DLG2: variants seen among roughly 807,000 people sequenced by gnomAD.
DLG2 encodes disks large homolog 2.
DLG2 carries 45 observed loss-of-function variants against 132.5 expected under a neutral mutation model. That is an observed-to-expected ratio of 0.34 (90% CI 0.27 to 0.44). The LOEUF (loss-of-function observed/expected upper bound fraction) is 0.44, where lower values mean the gene tolerates loss of function less well. Among genes scored for constraint, DLG2 ranks in the 20% least tolerant of loss-of-function variants. The pLI, the probability that DLG2 is intolerant of heterozygous loss-of-function variation, is 1.00. For synonymous variants in DLG2, 424 were observed against 419.6 expected, an observed-to-expected ratio of 1.01 and a Z score of -0.13; for missense variants, 1,045 against 1,196.9, an observed-to-expected ratio of 0.87 and a Z score of 1.87.
At chr11:84,020,617 A>G (rs1423702572) in intron 11 of DLG2, among the ~76,000 whole-genome samples, 3 of 152,196 alleles carry the variant, frequency 2.0e-5, no homozygotes, top group Non-Finnish European at 1.5e-5. Flanking sequence ...TTTTATTTTT[A>G]ATGTTTTGAA....
At chr11:83,793,438 A>T (rs754777073) in intron 17 of DLG2, among the ~76,000 whole-genome samples, 8 of 152,202 alleles carry the variant, frequency 5.3e-5, no homozygotes, top group Non-Finnish European at 1.2e-4. Context: ...ATCAATTGGA[A>T]TATACTTTAA....
intron 6 of DLG2, among the ~76,000 whole-genome samples, chr11:84,567,612 T>C (rs192266619): frequency 4.6e-5 from 7 of 152,342 alleles, no homozygotes; most frequent in Admixed American, 3.9e-4. Context: ...TGTATGCATA[T>C]CTGCCATACT....
intron 4 of DLG2, among the ~76,000 whole-genome samples, chr11:85,205,325 TA>T (rs954750749): frequency 2.0e-5 from 3 of 151,140 alleles, no homozygotes; most frequent in African/African-American, 4.9e-5. Flanking sequence ...ATTTGGGAGC[TA>T]AAAAAAAGTG....
chr11:85,383,952 AC>A (rs1176992962), intron 3 of DLG2, among the ~76,000 whole-genome samples: 1 of 152,178 alleles, frequency 6.6e-6, no homozygotes, highest in Admixed American at 6.5e-5. Context: ...TCTGAACTAT[AC>A]CTACTCGTCA....
intron 4 of DLG2, among the ~76,000 whole-genome samples, chr11:85,241,622 CAAAGAATCAGATTGTT>C (rs1466732439): frequency 6.6e-6 from 1 of 151,898 alleles, no homozygotes; most frequent in African/African-American, 2.4e-5. Context: ...TGTTCTAACA[CAAAGAATCAGATTGTT>C]AAATCAGAGT....
intron 7 of DLG2, among the ~76,000 whole-genome samples, chr11:84,415,491 A>G (rs994985633): frequency 2.6e-5 from 4 of 152,222 alleles, no homozygotes; most frequent in African/African-American, 9.6e-5. Context: ...AGTATGCCTC[A>G]GTAAAGCATT....
At chr11:83,500,860 A>C (rs1272984387) in intron 21 of DLG2, among the ~76,000 whole-genome samples, 1 of 152,086 alleles carries the variant, frequency 6.6e-6, no homozygotes, top group African/African-American at 2.4e-5. Flanking sequence ...TTCTTTGCCA[A>C]TTTGTGCATC....
chr11:85,320,551 T>C (rs747257917), intron 3 of DLG2, among the ~76,000 whole-genome samples: 3 of 151,842 alleles, frequency 2.0e-5, no homozygotes, highest in Non-Finnish European at 4.4e-5. Flanking sequence ...TAAAATTATA[T>C]ACACAAAATA....
At chr11:83,497,722 T>C (rs2094224584) in intron 21 of DLG2, among the ~76,000 whole-genome samples, 1 of 152,150 alleles carries the variant, frequency 6.6e-6, no homozygotes, top group Non-Finnish European at 1.5e-5. Flanking sequence ...GGCTTAGCTA[T>C]TTGCTTGTAT....
At chr11:85,623,059 CAAA>C (rs34802509) in intron 2 of DLG2, among the ~76,000 whole-genome samples, 3 of 116,158 alleles carry the variant, frequency 2.6e-5, no homozygotes, top group Admixed American at 8.8e-5. Context: ...CTCTGTCTCC[CAAA>C]AAAAAAAAAA....
At chr11:84,793,215 T>C (rs1233746646) in intron 6 of DLG2, among the ~76,000 whole-genome samples, 4 of 152,210 alleles carry the variant, frequency 2.6e-5, no homozygotes, top group African/African-American at 9.6e-5. Context: ...TGTGTTGTAA[T>C]GTTTCAAAAT....
At chr11:84,396,109 T>C (rs2098810085) in intron 7 of DLG2, among the ~76,000 whole-genome samples, 2 of 152,216 alleles carry the variant, frequency 1.3e-5, no homozygotes, top group African/African-American at 2.4e-5. Context: ...CATTCTACTA[T>C]GTGATGTTAG....
chr11:83,885,496 A>G (rs1257274996), intron 15 of DLG2, among the ~76,000 whole-genome samples: 1 of 152,368 alleles, frequency 6.6e-6, no homozygotes, highest in South Asian at 2.1e-4. Context: ...AGTGACGAGG[A>G]GAATGGAATC....
chr11:85,620,584 G>A (rs76710400), intron 2 of DLG2, among the ~76,000 whole-genome samples: 5,549 of 152,304 alleles, frequency 0.036, 155 homozygotes, highest in Admixed American at 0.053. Context: ...GTGAACACAC[G>A]AATAATAAGA....
chr11:84,192,996 T>A (rs567898230), intron 8 of DLG2, among the ~76,000 whole-genome samples: 2 of 152,208 alleles, frequency 1.3e-5, no homozygotes, highest in African/African-American at 2.4e-5. Context: ...TTAAAAAAAA[T>A]TAGTGAATTT....
At position 84,738,425 on chromosome 11, in the gene DLG2, A is replaced by T. The variant is rs534886457; in HGVS notation, c.358-203694T>A. Among the ~76,000 whole-genome samples, 7 of 152,280 alleles carry T rather than the reference A, an allele frequency of 4.6e-5. 1 individual carries two copies. Among genetic ancestry groups the T allele is most frequent in the South Asian group, 2.1e-4 (1 of 4,826 alleles). ...TTGCAAAGAAAAAAGAAATCTAAGGACATAACAACAATATGTATGGTTCTT... is the reference window on the plus strand; with the variant it reads ...TTGCAAAGAAAAAAGAAATCTAAGGTCATAACAACAATATGTATGGTTCTT... On this transcript the variant is annotated intron_variant, in intron 6 of 27. Coordinates refer to ENST00000376104, the MANE Select transcript of DLG2 (RefSeq NM_001142699.3).
chr11:84,221,263 A>T (rs1424623577), intron 8 of DLG2, among the ~76,000 whole-genome samples: 1 of 152,000 alleles, frequency 6.6e-6, no homozygotes, highest in Non-Finnish European at 1.5e-5. Flanking sequence ...CAGGAGTTCA[A>T]GACCAGCCTG....
intron 6 of DLG2, among the ~76,000 whole-genome samples, chr11:84,769,964 C>T (rs1223325166): frequency 1.2e-4 from 18 of 152,084 alleles, no homozygotes; most frequent in Non-Finnish European, 2.1e-4. Flanking sequence ...TAAGAGATCT[C>T]GGTATAGTTC....
chr11:85,489,286 T>A (rs561870023), intron 3 of DLG2, among the ~76,000 whole-genome samples: 2 of 151,996 alleles, frequency 1.3e-5, no homozygotes, highest in East Asian at 3.9e-4. Context: ...TTACATCAGA[T>A]AAAATGGTCA....
Sources: allele counts gnomAD v4.1 joint callset (sites outside exome capture counted in the v4.1 genomes callset), GRCh38; gene constraint gnomAD v4.1.1; transcripts MANE v1.5; gene names NCBI Gene and HGNC (gene_info 2026-07-23, HGNC 2026-07-21).